Variants in YARS1 observed in about 807,000 individuals in gnomAD.
YARS1 encodes tyrosine--tRNA ligase, cytoplasmic.
Under a neutral mutation model 62.2 loss-of-function variants are expected in YARS1, and 36 were observed. The observed-to-expected ratio is 0.58, with a 90% CI of 0.44 to 0.76. YARS1 has a LOEUF of 0.76. Among genes scored for constraint, YARS1 ranks in the 30% least tolerant of loss-of-function variants. The probability of loss-of-function intolerance (pLI) is 0.00; values close to 1 mark genes in which losing one functional copy is unlikely to be tolerated. For synonymous variants in YARS1, 234 were observed against 244.9 expected (o/e 0.96, Z 0.42); for missense variants, 524 against 639.8 (o/e 0.82, Z 1.95).
rs769290451 is a variant in YARS1 at position 32,806,552 on chromosome 1, T to G, written c.440A>C (p.Lys147Thr). 8 of 1,614,140 alleles carry G rather than the reference T, an allele frequency of 5.0e-6. No individual in the cohort carries two copies. The highest frequency in any genetic ancestry group is 6.8e-6 in the Non-Finnish European group (8 of 1,180,024). ...SSVVTQHDSK[K>T]AGAEVVKQVE... The stretch of plus-strand genomic sequence containing the variant: ...CTGCTTTACCACCTCAGCTCCAGCC[T>G]TCTTGGAATCGTGCTGTGTGACCAC... Residue 147 changes from lysine (K) to threonine (T), a missense_variant, in exon 4 of 13, where the codon AAG becomes ACG. Lys to Thr is a moderately conservative substitution (Grantham distance 78). Coordinates refer to ENST00000373477, the MANE Select transcript of YARS1 (RefSeq NM_003680.4).
At position 32,775,871 on chromosome 1, in the gene YARS1, A is replaced by G. The variant is rs959497468; in HGVS notation, c.*110T>C. On this transcript the variant is annotated 3_prime_UTR_variant, in exon 13 of 13. Transcript: ENST00000373477. ...GTTCTGCACCGAATAAAGAGTCCAA[A>G]CCCGCTGCTTCCGTGTCCTGAGAGA... 19 of 1,042,252 alleles carry G rather than the reference A, an allele frequency of 1.8e-5. No homozygotes were observed. The highest frequency in any genetic ancestry group is 2.3e-5 in the Non-Finnish European group (16 of 681,418). 64.6% of individuals were successfully genotyped at this position (1,042,252 alleles called of 1,614,324 possible).
intron 3 of YARS1, among the ~76,000 whole-genome samples, chr1:32,807,321 C>T (rs764011006): frequency 2.6e-5 from 4 of 152,146 alleles, no homozygotes; most frequent in Non-Finnish European, 4.4e-5. Context: ...TCTCTTGTGT[C>T]GGGCTTTCAA....
chr1:32,801,152 C>T (rs1029439966), intron 4 of YARS1, among the ~76,000 whole-genome samples: 4 of 151,936 alleles, frequency 2.6e-5, no homozygotes, highest in Admixed American at 6.6e-5. Flanking sequence ...TCCCAGGAAG[C>T]GGGGAAGGAA....
intron 12 of YARS1, among the ~76,000 whole-genome samples, chr1:32,777,188 CCTGG>C (rs1652893063): frequency 6.6e-6 from 1 of 151,832 alleles, no homozygotes; most frequent in Non-Finnish European, 1.5e-5. Context: ...CGCCACTGTG[CCTGG>C]CTAATTTTGT....
chr1:32,805,133 C>T, intron 4 of YARS1, among the ~76,000 whole-genome samples: 1 of 151,242 alleles, frequency 6.6e-6, no homozygotes, highest in Non-Finnish European at 1.5e-5. Context: ...CAGGCTGAGG[C>T]AGGAGAATCA....
At chr1:32,786,782 AT>A (rs1653241840) in intron 7 of YARS1, 157 bp downstream of exon 7, 6 of 1,043,448 alleles carry the variant, frequency 5.8e-6, no homozygotes, top group Non-Finnish European at 8.2e-6. Flanking sequence ...ATTAAATTAC[AT>A]CCCAACATCA....
At chr1:32,787,735 G>A (rs533394311) in intron 6 of YARS1, among the ~76,000 whole-genome samples, 3 of 151,890 alleles carry the variant, frequency 2.0e-5, no homozygotes, top group Non-Finnish European at 4.4e-5. Flanking sequence ...GGATGGTCTC[G>A]ATCTCCTGAC....
chr1:32,796,260 C>T (rs960393996), intron 5 of YARS1, among the ~76,000 whole-genome samples: 4 of 152,268 alleles, frequency 2.6e-5, no homozygotes, highest in African/African-American at 7.2e-5. Flanking sequence ...CGCGCCACTG[C>T]ACTCCAGCCC....
intron 8 of YARS1, among the ~76,000 whole-genome samples, chr1:32,784,174 T>C (rs565717498): frequency 2.6e-5 from 4 of 151,472 alleles, no homozygotes; most frequent in South Asian, 4.2e-4. Flanking sequence ...CTGGCCAGTA[T>C]TTTGATTTTT....
Position 32,791,523 on chromosome 1 carries a change from C to T in YARS1, c.592-269G>A, listed in dbSNP as rs554863327. Among the ~76,000 whole-genome samples the T allele has an allele frequency of 1.8e-3, 268 of 152,248 alleles. 2 individuals carry two copies. Among genetic ancestry groups the T allele is most frequent in the Non-Finnish European group, 1.2e-3 (79 of 68,030 alleles). On this transcript the variant is annotated intron_variant, in intron 5 of 12. Transcript: ENST00000373477. ...AAATACATAAAACAACAGGGCAAGCCGGGCATGGTGGCTCACACCTGTAAT... is the reference window on the plus strand; with the variant it reads ...AAATACATAAAACAACAGGGCAAGCTGGGCATGGTGGCTCACACCTGTAAT...
chr1:32,786,228 T>C (rs1285811675), intron 8 of YARS1, 134 bp downstream of exon 8: 2 of 882,024 alleles, frequency 2.3e-6, no homozygotes, highest in African/African-American at 1.7e-5. Context: ...CTAGTGAGAT[T>C]ACCAAAAGTA....
At chr1:32,805,234 AGAG>A (rs1638428401) in intron 4 of YARS1, among the ~76,000 whole-genome samples, 1 of 9,106 alleles carries the variant, frequency 1.1e-4, no homozygotes, top group Non-Finnish European at 2.1e-4. Flanking sequence ...GGAGAGGGGG[AGAG>A]GGGGAGAGGG....
At chr1:32,809,908 T>G (rs1445719149) in intron 3 of YARS1, among the ~76,000 whole-genome samples, 2 of 151,850 alleles carry the variant, frequency 1.3e-5, no homozygotes, top group Non-Finnish European at 1.5e-5. Flanking sequence ...GAGTTAGAGG[T>G]CAGCCTGGGT....
At chr1:32,783,259 C>T (rs192764576) in intron 8 of YARS1, 4 of 152,530 alleles carry the variant, frequency 2.6e-5, no homozygotes, top group Admixed American at 6.5e-5. Flanking sequence ...ATGATGAGAA[C>T]GCTGCTCGTA....
intron 6 of YARS1, among the ~76,000 whole-genome samples, chr1:32,788,758 G>T (rs1308627947): frequency 2.6e-5 from 4 of 151,832 alleles, no homozygotes; most frequent in African/African-American, 9.7e-5. Flanking sequence ...GTTAAAATGG[G>T]GTCTCACTGT....
intron 8 of YARS1, 148 bp downstream of exon 8, chr1:32,786,214 G>A (rs1653221374): frequency 2.6e-6 from 2 of 762,986 alleles, no homozygotes; most frequent in Admixed American, 4.7e-5. Flanking sequence ...AAGGAAAATG[G>A]ACACTAGTGA....
intron 9 of YARS1, 107 bp downstream of exon 9, chr1:32,782,297 C>A: frequency 6.3e-7 from 1 of 1,590,578 alleles, no homozygotes; most frequent in Non-Finnish European, 8.6e-7. Flanking sequence ...TCCTGCACTT[C>A]AGACCCCCTG....
At chr1:32,777,534 C>T (rs1039314064) in intron 12 of YARS1, among the ~76,000 whole-genome samples, 11 of 152,182 alleles carry the variant, frequency 7.2e-5, no homozygotes, top group Non-Finnish European at 1.5e-5. Flanking sequence ...TTGCTTGAAC[C>T]TGGGAGGCGG....
chr1:32,810,740 GTGGAGGTCCGCAAAC>G lies in YARS1; in HGVS notation c.216_230del (p.Phe73_His77del). The G allele has an allele frequency of 6.2e-7, 1 of 1,614,096 alleles. No individual in the cohort carries two copies. The highest frequency in any genetic ancestry group is 1.1e-5 in the South Asian group (1 of 91,082). On this transcript the variant is annotated inframe_deletion, in exon 3 of 13. Transcript: ENST00000373477. The stretch of plus-strand genomic sequence containing the variant: ...GGGCTTTCATGTTATCCAGGTATGC[GTGGAGGTCCGCAAAC>G]AGAATTGTTACCTGGACAAGAGATA...
Sources: allele counts gnomAD v4.1 joint callset (sites outside exome capture counted in the v4.1 genomes callset), GRCh38; gene constraint gnomAD v4.1.1; transcripts MANE v1.5; gene names NCBI Gene and HGNC (gene_info 2026-07-23, HGNC 2026-07-21).